Variants in ARHGAP15 observed in about 807,000 individuals in gnomAD.
ARHGAP15 encodes the protein rho GTPase-activating protein 15.
A neutral mutation model predicts 63.7 loss-of-function variants in ARHGAP15; 51 were observed. The ratio of observed to expected loss-of-function variants is 0.80; its 90% CI spans 0.64 to 1.01. The LOEUF is 1.01. Among genes scored for constraint, ARHGAP15 ranks in the 50% least tolerant of loss-of-function variants. The pLI is 0.00. For synonymous variants in ARHGAP15, 191 were observed against 193.8 expected (o/e 0.99, Z 0.12); for missense variants, 560 against 564.6 (o/e 0.99, Z 0.08).
chr2:143,686,383 CAAAAAAAAAAAAAAAAAA>C (rs35554349), intron 12 of ARHGAP15, among the ~76,000 whole-genome samples: 8 of 55,050 alleles, frequency 1.5e-4, no homozygotes, highest in African/African-American at 1.7e-4. Flanking sequence ...GACTCTGTCT[CAAAAAAAAAAAAAAAAAA>C]AAAAAAAAAA....
chr2:143,331,863 T>C (rs996381274), intron 6 of ARHGAP15, among the ~76,000 whole-genome samples: 19 of 152,168 alleles, frequency 1.2e-4, no homozygotes, highest in African/African-American at 4.3e-4. Flanking sequence ...TTACATCTTA[T>C]AAGACGTAAG....
At chr2:143,630,426 CAGA>C (rs965905744) in intron 12 of ARHGAP15, among the ~76,000 whole-genome samples, 80 of 152,168 alleles carry the variant, frequency 5.3e-4, no homozygotes, top group African/African-American at 1.8e-3. Context: ...CAAAATCTTA[CAGA>C]AGAAGTTAGG....
chr2:143,647,170 G>T (rs1680919885), intron 12 of ARHGAP15, among the ~76,000 whole-genome samples: 1 of 151,948 alleles, frequency 6.6e-6, no homozygotes, highest in Admixed American at 6.6e-5. Context: ...ACTCAAACCA[G>T]AAGACCTAGA....
intron 6 of ARHGAP15, among the ~76,000 whole-genome samples, chr2:143,402,140 G>A (rs1251737264): frequency 6.6e-6 from 1 of 151,894 alleles, no homozygotes; most frequent in Non-Finnish European, 1.5e-5. Flanking sequence ...AATCTGTGCT[G>A]CATCACAGAC....
chr2:143,605,011 T>G (rs551325894), intron 11 of ARHGAP15, among the ~76,000 whole-genome samples: 4 of 152,176 alleles, frequency 2.6e-5, no homozygotes, highest in Non-Finnish European at 5.9e-5. Context: ...CAGGTTCAAG[T>G]GATTCTCATG....
chr2:143,556,413 G>T lies in ARHGAP15; in HGVS notation c.931G>T (p.Asp311Tyr). 1.2e-6 allele frequency: 2 copies of T among 1,610,682 alleles called. No individual in the cohort carries two copies. The highest frequency in any genetic ancestry group is 8.5e-7 in the Non-Finnish European group (1 of 1,177,936). The change falls in exon 11 of 14, where the codon GAT becomes TAT. Residue 311 changes from aspartate (D) to tyrosine (Y), a missense_variant. By Grantham distance (160) the Asp-to-Tyr change is radical. Coordinates refer to ENST00000295095, the MANE Select transcript of ARHGAP15 (RefSeq NM_018460.4). ...ATATGCCCTTTTGTCTTCAGGTCTA[G>T]ATGTTGATGGAATATATCGAGTTAG... ...CIEAVEKRGL[D>Y]VDGIYRVSGN...
At chr2:143,718,466 T>C (rs1684907101) in intron 13 of ARHGAP15, among the ~76,000 whole-genome samples, 1 of 152,164 alleles carries the variant, frequency 6.6e-6, no homozygotes, top group Non-Finnish European at 1.5e-5. Flanking sequence ...CATTTTTTGG[T>C]CTATAATTTT....
chr2:143,137,436 T>A (rs1283126031), intron 1 of ARHGAP15, among the ~76,000 whole-genome samples: 2 of 152,082 alleles, frequency 1.3e-5, no homozygotes, highest in Non-Finnish European at 2.9e-5. Flanking sequence ...TAGGGTAATT[T>A]AGGAGAAGAG....
intron 13 of ARHGAP15, among the ~76,000 whole-genome samples, chr2:143,739,439 A>G (rs1239159473): frequency 2.0e-5 from 3 of 152,132 alleles, no homozygotes; most frequent in Admixed American, 6.5e-5. Flanking sequence ...GGCAAGGTCC[A>G]TAGGCTCTTA....
At chr2:143,143,663 G>A (rs1362082115) in intron 1 of ARHGAP15, among the ~76,000 whole-genome samples, 1 of 150,776 alleles carries the variant, frequency 6.6e-6, no homozygotes, top group Non-Finnish European at 1.5e-5. Context: ...TCAAGACACT[G>A]GGACCAACTT....
rs925316321 is a variant in ARHGAP15, at chr2:143,468,270, T to C, written c.704-19103T>C. ...CTTAATATTAAAATGGAATTCTGTT[T>C]GTAGTCAACTTTTTTTCCTTTAGGG... On this transcript the variant is annotated intron_variant, in intron 8 of 13. Transcript: ENST00000295095. 2.0e-5 allele frequency among the ~76,000 whole-genome samples: 3 copies of C among 152,208 alleles called. No homozygotes were observed. In the East Asian group the frequency reaches 5.8e-4, roughly 29 times the overall value.
At chr2:143,166,339 G>T (rs1387514561) in intron 2 of ARHGAP15, among the ~76,000 whole-genome samples, 1 of 152,120 alleles carries the variant, frequency 6.6e-6, no homozygotes, top group East Asian at 1.9e-4. Context: ...GCCCCTGTGT[G>T]TGTCCCTCTA....
chr2:143,593,687 C>G (rs1407638869), intron 11 of ARHGAP15, among the ~76,000 whole-genome samples: 1 of 152,060 alleles, frequency 6.6e-6, no homozygotes, highest in African/African-American at 2.4e-5. Context: ...GTAGAATTCC[C>G]AGCCATAGCA....
rs1698867782 is a variant in ARHGAP15, at chr2:143,627,205, T to G, written c.1138+2938T>G. On this transcript the variant is annotated intron_variant, in intron 12 of 13. Transcript: ENST00000295095. ...ATTTTTTATAGTAGGCCAAATGGAC[T>G]AAGACACTCAGCAGCCTTGCTTCAA... 1.3e-5 allele frequency among the ~76,000 whole-genome samples: 2 copies of G among 152,316 alleles called. 1 individual carries two copies.
chr2:143,483,726 G>A (rs1692184631), intron 8 of ARHGAP15, among the ~76,000 whole-genome samples: 1 of 152,206 alleles, frequency 6.6e-6, no homozygotes, highest in South Asian at 2.1e-4. Context: ...AACACACTTT[G>A]TTAAGATGCT....
intron 8 of ARHGAP15, among the ~76,000 whole-genome samples, chr2:143,447,759 G>A (rs1185747343): frequency 2.0e-5 from 3 of 152,130 alleles, no homozygotes; most frequent in Admixed American, 6.6e-5. Flanking sequence ...TTGCACTGAC[G>A]AATAAATGTC....
intron 2 of ARHGAP15, among the ~76,000 whole-genome samples, chr2:143,189,312 T>C (rs1691582823): frequency 6.6e-6 from 1 of 152,190 alleles, no homozygotes; most frequent in Non-Finnish European, 1.5e-5. Flanking sequence ...TGGTCCTTCT[T>C]GTTCATTTAT....
intron 2 of ARHGAP15, among the ~76,000 whole-genome samples, chr2:143,176,287 T>C (rs1386456379): frequency 2.0e-5 from 3 of 152,206 alleles, no homozygotes; most frequent in African/African-American, 7.2e-5. Context: ...TGAAACATTT[T>C]ACTCAGTTTT....
intron 9 of ARHGAP15, among the ~76,000 whole-genome samples, chr2:143,493,071 A>AAAAACAAAT (rs1692658123): frequency 6.6e-6 from 1 of 152,034 alleles, no homozygotes; most frequent in Non-Finnish European, 1.5e-5. Context: ...AAAAAACAAA[A>AAAAACAAAT]AAAACCATCA....
Sources: gnomAD v4.1 joint callset for allele counts (sites outside exome capture counted in the v4.1 genomes callset) on GRCh38, gnomAD v4.1.1 for gene constraint, MANE v1.5 for transcripts, NCBI Gene and HGNC (gene_info 2026-07-23, HGNC 2026-07-21) for gene names.